The following APBB1IP variants were observed in gnomAD, a reference collection of about 807,000 sequenced individuals.
APBB1IP encodes amyloid beta A4 precursor protein-binding family B member 1-interacting protein.
In APBB1IP, 27 loss-of-function variants were observed where a neutral mutation model predicts 64.9. That is an observed-to-expected ratio of 0.42 (90% CI 0.31 to 0.57). The LOEUF (loss-of-function observed/expected upper bound fraction) is 0.57. Among genes scored for constraint, APBB1IP ranks in the 20% least tolerant of loss-of-function variants. The probability of loss-of-function intolerance (pLI) is 0.20; values close to 1 mark genes in which losing one functional copy is unlikely to be tolerated. For synonymous variants in APBB1IP, 392 were observed against 331.0 expected, an observed-to-expected ratio of 1.18 and a Z score of -2.00; for missense variants, 812 against 845.5, an observed-to-expected ratio of 0.96 and a Z score of 0.49.
intron 4 of APBB1IP, among the ~76,000 whole-genome samples, chr10:26,496,698 T>A (rs1836029320): frequency 6.6e-6 from 1 of 152,014 alleles, no homozygotes; most frequent in East Asian, 1.9e-4. Context: ...AGGGGTAGTA[T>A]ACAAAAATAT....
intron 11 of APBB1IP, among the ~76,000 whole-genome samples, chr10:26,543,532 G>A (rs1192221454): frequency 1.3e-5 from 2 of 151,132 alleles, no homozygotes; most frequent in African/African-American, 2.4e-5. Context: ...TGAGTGACAA[G>A]GATTATTATT....
chr10:26,440,354 C>T (rs538465478), intron 2 of APBB1IP, among the ~76,000 whole-genome samples: 2 of 152,296 alleles, frequency 1.3e-5, no homozygotes, highest in African/African-American at 4.8e-5. Flanking sequence ...ATACTGGCAA[C>T]ATTATATCAA....
intron 2 of APBB1IP, among the ~76,000 whole-genome samples, chr10:26,472,133 C>T (rs1835725333): frequency 1.3e-5 from 2 of 152,110 alleles, no homozygotes; most frequent in Non-Finnish European, 2.9e-5. Context: ...TCCCTCACCC[C>T]ACAGAAAAGC....
chr10:26,518,979 T>C (rs1836367669), intron 8 of APBB1IP, among the ~76,000 whole-genome samples: 1 of 152,160 alleles, frequency 6.6e-6, no homozygotes. Flanking sequence ...ATTCTCACAC[T>C]GCTATAAAGA....
In APBB1IP at chr10:26,508,714, T is replaced by A. The variant is rs560271682; in HGVS notation, c.532-3033T>A. Among the ~76,000 whole-genome samples the A allele has an allele frequency of 2.0e-4, 30 of 152,278 alleles. No individual in the cohort carries two copies. The South Asian group carries it at 5.8e-3, about 29-fold the overall frequency. ...AAGAATAGTAAATATAATTTCTTCT[T>A]GCTAAACATCACAAGGCTTCTCTTG... On this transcript the variant is annotated intron_variant, in intron 6 of 14. Coordinates refer to ENST00000376236, the MANE Select transcript of APBB1IP (RefSeq NM_019043.4).
intron 2 of APBB1IP, among the ~76,000 whole-genome samples, chr10:26,454,603 G>C (rs1043221009): frequency 1.3e-5 from 2 of 152,128 alleles, no homozygotes; most frequent in African/African-American, 4.8e-5. Flanking sequence ...ATGTGGGGTA[G>C]TTAATGGGTC....
At chr10:26,471,851 A>AT (rs935170043) in intron 2 of APBB1IP, among the ~76,000 whole-genome samples, 2 of 151,906 alleles carry the variant, frequency 1.3e-5, no homozygotes, top group Non-Finnish European at 2.9e-5. Context: ...TGCCTGGCTT[A>AT]TTTTTTATAT....
At chr10:26,557,176 A>G (rs576299249) in intron 11 of APBB1IP, among the ~76,000 whole-genome samples, 1 of 152,346 alleles carries the variant, frequency 6.6e-6, no homozygotes, top group African/African-American at 2.4e-5. Context: ...TTGCAAAAAT[A>G]AAATCTAACA....
At chr10:26,509,649 G>T (rs911839449) in intron 6 of APBB1IP, 1 of 152,178 alleles carries the variant, frequency 6.6e-6, no homozygotes. Context: ...GCTAGACAGG[G>T]TTAGGTCTGG....
intron 2 of APBB1IP, among the ~76,000 whole-genome samples, chr10:26,461,538 T>A (rs1236665031): frequency 6.6e-6 from 1 of 152,120 alleles, no homozygotes. Context: ...TAATCTTTTT[T>A]TTTTAGGAAT....
At chr10:26,514,047 A>G (rs1836295064) in intron 8 of APBB1IP, among the ~76,000 whole-genome samples, 1 of 152,054 alleles carries the variant, frequency 6.6e-6, no homozygotes, top group Non-Finnish European at 1.5e-5. Context: ...GATTTTTTTT[A>G]ATGTCACCTG....
chr10:26,503,181 T>A lies in APBB1IP; in HGVS notation c.454-16T>A, dbSNP rs753625491. 2 of 1,613,658 alleles carry A rather than the reference T, an allele frequency of 1.2e-6. No homozygotes were observed. Among genetic ancestry groups the A allele is most frequent in the South Asian group, 1.1e-5 (1 of 91,084 alleles). On this transcript the variant is annotated splice_polypyrimidine_tract_variant and intron_variant, in intron 5 of 14. Transcript: ENST00000376236. Reference sequence around the variant, plus strand: ...ACTTAATGGACTGTATTGAAGAATATCTTGCCCTTTTCCAGGAAGAGGAAG... The same window carrying A: ...ACTTAATGGACTGTATTGAAGAATAACTTGCCCTTTTCCAGGAAGAGGAAG...
intron 2 of APBB1IP, among the ~76,000 whole-genome samples, chr10:26,439,530 G>A (rs1319502505): frequency 6.6e-6 from 1 of 152,136 alleles, no homozygotes; most frequent in Admixed American, 6.5e-5. Context: ...AACTAACTAG[G>A]GTGTCCTAAT....
intron 2 of APBB1IP, among the ~76,000 whole-genome samples, chr10:26,448,270 T>C (rs893895870): frequency 1.7e-4 from 26 of 152,306 alleles, no homozygotes; most frequent in Admixed American, 1.0e-3. Flanking sequence ...CTCACATTTC[T>C]GGCCTCAAGT....
At chr10:26,457,868 CTAAAGA>C (rs1274953837) in intron 2 of APBB1IP, among the ~76,000 whole-genome samples, 1 of 152,148 alleles carries the variant, frequency 6.6e-6, no homozygotes, top group African/African-American at 2.4e-5. Context: ...AAGATTTATC[CTAAAGA>C]TAATCTGGAT....
intron 2 of APBB1IP, among the ~76,000 whole-genome samples, chr10:26,457,990 G>C (rs989267843): frequency 1.1e-4 from 16 of 152,180 alleles, no homozygotes; most frequent in African/African-American, 3.6e-4. Flanking sequence ...TATGAAATCT[G>C]GATATTTTTA....
At chr10:26,466,834 A>G (rs1471329332) in intron 2 of APBB1IP, among the ~76,000 whole-genome samples, 1 of 152,076 alleles carries the variant, frequency 6.6e-6, no homozygotes, top group African/African-American at 2.4e-5. Flanking sequence ...TACTCAGGAT[A>G]CTGAAGTGGG....
intron 3 of APBB1IP, among the ~76,000 whole-genome samples, chr10:26,493,868 A>G (rs567617576): frequency 1.3e-3 from 191 of 152,272 alleles, no homozygotes; most frequent in African/African-American, 4.5e-3. Context: ...ACAGAGTCTC[A>G]CTGTGTTGCT....
chr10:26,505,387 T>C (rs112444352), intron 6 of APBB1IP, among the ~76,000 whole-genome samples: 2,150 of 152,254 alleles, frequency 0.014, 49 homozygotes, highest in African/African-American at 0.05. Flanking sequence ...CCACAGTCCA[T>C]CATTGGAACT....
Sources: allele counts gnomAD v4.1 joint callset (sites outside exome capture counted in the v4.1 genomes callset), GRCh38; gene constraint gnomAD v4.1.1; transcripts MANE v1.5; gene names NCBI Gene and HGNC (gene_info 2026-07-23, HGNC 2026-07-21).